SEMA6A: variants seen among roughly 807,000 people sequenced by gnomAD.
SEMA6A encodes the protein semaphorin 6A, also known as semaphorin-6A.
Under a neutral mutation model 96.8 loss-of-function variants are expected in SEMA6A, and 25 were observed. That is an observed-to-expected ratio of 0.26 (90% CI 0.19 to 0.36). The LOEUF (loss-of-function observed/expected upper bound fraction) is 0.36, where lower values mean the gene tolerates loss of function less well. SEMA6A is among the 10% of genes least tolerant of loss of function. The pLI is 1.00. For synonymous variants in SEMA6A, 612 were observed against 518.0 expected, an observed-to-expected ratio of 1.18 and a Z score of -2.46; for missense variants, 1,363 against 1,323.1, an observed-to-expected ratio of 1.03 and a Z score of -0.47.
chr5:116,494,851 T>A (rs1052172113), intron 6 of SEMA6A, among the ~76,000 whole-genome samples: 1 of 152,178 alleles, frequency 6.6e-6, no homozygotes, highest in Non-Finnish European at 1.5e-5. Flanking sequence ...CATCAGCACC[T>A]CTGTTAGCTG....
At chr5:116,501,860 C>A (rs1379006279) in intron 3 of SEMA6A, among the ~76,000 whole-genome samples, 1 of 152,168 alleles carries the variant, frequency 6.6e-6, no homozygotes, top group Non-Finnish European at 1.5e-5. Flanking sequence ...GCACTCCAGC[C>A]TGGGCAACAA....
At chr5:116,476,077 C>T (rs1042769106) in intron 15 of SEMA6A, among the ~76,000 whole-genome samples, 1 of 152,070 alleles carries the variant, frequency 6.6e-6, no homozygotes, top group Admixed American at 6.6e-5. Flanking sequence ...ATAAAGTGTT[C>T]AAAGGTCCAA....
intron 1 of SEMA6A, among the ~76,000 whole-genome samples, chr5:116,570,719 G>A (rs912103017): frequency 6.6e-6 from 1 of 152,178 alleles, no homozygotes; most frequent in African/African-American, 2.4e-5. Context: ...TCTGAAAAGC[G>A]CTGAACCACA....
Position 116,486,846 on chromosome 5 carries a change from A to C in SEMA6A, c.865T>G (p.Ser289Ala), listed in dbSNP as rs767566435. The change falls in exon 10 of 19, where the codon TCT (serine) becomes GCT (alanine). Residue 289 changes from serine to alanine, a missense_variant. By Grantham distance (99) the Ser-to-Ala change is moderately conservative (BLOSUM62 1). Coordinates refer to ENST00000343348, the MANE Select transcript of SEMA6A (RefSeq NM_020796.5). ...ARLNCSVPGD[S>A]HFYFNILQAV... is the part of the protein sequence containing the mutation. ...TGGAGAATGTTGAAATAAAAATGAGAGTCTCCAGGAACTGAGCAGTTCAAG... is the reference window on the plus strand; with the variant it reads ...TGGAGAATGTTGAAATAAAAATGAGCGTCTCCAGGAACTGAGCAGTTCAAG... 5.0e-6 allele frequency: 8 copies of C among 1,613,682 alleles called. No individual in the cohort carries two copies. In the African/African-American group the frequency reaches 1.1e-4, roughly 22 times the overall value.
chr5:116,473,935 A>G (rs1246525183), intron 16 of SEMA6A, among the ~76,000 whole-genome samples: 1 of 152,188 alleles, frequency 6.6e-6, no homozygotes, highest in African/African-American at 2.4e-5. Flanking sequence ...GGCACACTAC[A>G]AAGCACGAAG....
Position 116,467,701 on chromosome 5 carries a change from C to A in SEMA6A, c.1776G>T (p.Thr592=). 4 of 1,613,770 alleles carry A rather than the reference C, an allele frequency of 2.5e-6. No individual in the cohort carries two copies. The highest frequency in any genetic ancestry group is 3.4e-6 in the Non-Finnish European group (4 of 1,179,836). ...CCCTAGACTCATACCCCTCTTGAGC[C>A]GTCGAATCTGATGTGGTTGTGCTGG... ...LLPSTTTSDS[T]AQEGYESRGG... The change falls in exon 18 of 19, where the codon ACG becomes ACT. Residue 592 remains threonine, a synonymous_variant. Coordinates refer to ENST00000343348, the MANE Select transcript of SEMA6A (RefSeq NM_020796.5).
chr5:116,505,842 A>G (rs951150153), intron 1 of SEMA6A, among the ~76,000 whole-genome samples: 1 of 150,676 alleles, frequency 6.6e-6, no homozygotes, highest in East Asian at 2.0e-4. Flanking sequence ...AATCTTGGAA[A>G]TAAAAACAAT....
chr5:116,499,863 C>T (rs1429098610), intron 3 of SEMA6A, among the ~76,000 whole-genome samples: 2 of 152,158 alleles, frequency 1.3e-5, no homozygotes, highest in Non-Finnish European at 2.9e-5. Context: ...TACCTTGCTC[C>T]TAACACTCAT....
rs762822613 is a variant in SEMA6A, at chr5:116,467,779, ATCACCAGAGAGACCCACAT to A, written c.1730-51_1730-33del. 6 of 1,610,140 alleles carry A rather than the reference ATCACCAGAGAGACCCACAT, an allele frequency of 3.7e-6. No individual in the cohort carries two copies. The South Asian group carries it at 5.5e-5, about 15-fold the overall frequency. On this transcript the variant is annotated intron_variant, in intron 17 of 18. Transcript: ENST00000343348. ...TCATCACAAATACAGTTAGGAAAAC[ATCACCAGAGAGACCCACAT>A]TCCCTTTGCGCAGAGGCCTGGAGGT...
At chr5:116,485,438 T>C (rs1032231867) in intron 10 of SEMA6A, among the ~76,000 whole-genome samples, 4 of 152,224 alleles carry the variant, frequency 2.6e-5, no homozygotes, top group Non-Finnish European at 5.9e-5. Flanking sequence ...TTTTTAAATA[T>C]CGTTTTTATC....
At chr5:116,550,829 A>G (rs1760373778) in intron 1 of SEMA6A, among the ~76,000 whole-genome samples, 1 of 152,186 alleles carries the variant, frequency 6.6e-6, no homozygotes, top group Non-Finnish European at 1.5e-5. Context: ...ATATTGACTG[A>G]TCATCACAAT....
chr5:116,549,162 C>T (rs561003719), intron 1 of SEMA6A, among the ~76,000 whole-genome samples: 17 of 152,274 alleles, frequency 1.1e-4, no homozygotes, highest in Non-Finnish European at 2.2e-4. Flanking sequence ...CAGGGACCTA[C>T]TAAAAGCATA....
In SEMA6A at chr5:116,446,504, G is replaced by T; in HGVS notation, c.*109C>A. The T allele has an allele frequency of 1.1e-6, 1 of 951,504 alleles. No individual in the cohort carries two copies. Among genetic ancestry groups the T allele is most frequent in the Non-Finnish European group, 1.5e-6 (1 of 664,358 alleles). 58.9% of individuals were successfully genotyped at this position (951,504 alleles called of 1,614,324 possible). ...AGGACCCAGCGTCCTCGGCTCTGCC[G>T]CAGGCCTTCTTGGTCTGGTGGGTAC... On this transcript the variant is annotated 3_prime_UTR_variant, in exon 19 of 19. Transcript: ENST00000343348.
intron 12 of SEMA6A, 80 bp from the exon 13 acceptor site, chr5:116,478,798 G>T: frequency 2.2e-6 from 3 of 1,390,160 alleles, no homozygotes; most frequent in Admixed American, 2.3e-5. Context: ...AAACAGCTGC[G>T]ACATAGCCTT....
intron 11 of SEMA6A, among the ~76,000 whole-genome samples, chr5:116,480,991 C>T (rs1171832555): frequency 6.6e-6 from 1 of 152,152 alleles, no homozygotes; most frequent in Non-Finnish European, 1.5e-5. Context: ...TGAAACCCAT[C>T]TTGTCCAGAC....
At chr5:116,466,603 T>G (rs1755774079) in intron 18 of SEMA6A, among the ~76,000 whole-genome samples, 1 of 152,072 alleles carries the variant, frequency 6.6e-6, no homozygotes, top group African/African-American at 2.4e-5. Flanking sequence ...GAAAGCATTG[T>G]CTAAAAGTGA....
chr5:116,526,246 C>G (rs1019190156), intron 1 of SEMA6A, among the ~76,000 whole-genome samples: 3 of 152,098 alleles, frequency 2.0e-5, no homozygotes, highest in Non-Finnish European at 4.4e-5. Context: ...CTATCCTTTC[C>G]CTTTTCTGCC....
chr5:116,447,333 C>T lies in SEMA6A; in HGVS notation c.2373G>A (p.Met791Ile), dbSNP rs768282834. 2 of 1,613,872 alleles carry T rather than the reference C, an allele frequency of 1.2e-6. No individual in the cohort carries two copies. Among genetic ancestry groups the T allele is most frequent in the African/African-American group, 1.3e-5 (1 of 75,080 alleles). ...QNLINACTKD[M>I]PPMGSPVIPT... ...GAATCACAGGGGAGCCCATGGGGGGCATGTCCTTTGTGCAGGCATTGATGA... is the reference window on the plus strand; with the variant it reads ...GAATCACAGGGGAGCCCATGGGGGGTATGTCCTTTGTGCAGGCATTGATGA... Residue 791 changes from methionine (M) to isoleucine (I), a missense_variant, in exon 19 of 19, where the codon ATG (methionine) becomes ATA (isoleucine). By Grantham distance (10) the Met-to-Ile change is conservative. Coordinates refer to ENST00000343348, the MANE Select transcript of SEMA6A (RefSeq NM_020796.5).
rs377551210 is a variant in SEMA6A, at chr5:116,522,555, G to A, written c.-38-17573C>T. ...TACACAGCACTATAAACCCGCCTGCGTGCCATATGAATGGCTAATTTATTA... is the reference window on the plus strand; with the variant it reads ...TACACAGCACTATAAACCCGCCTGCATGCCATATGAATGGCTAATTTATTA... On this transcript the variant is annotated intron_variant, in intron 1 of 18. Transcript: ENST00000343348. 2.9e-4 allele frequency among the ~76,000 whole-genome samples: 44 copies of A among 152,264 alleles called. 1 individual carries two copies. In the East Asian group the frequency reaches 4.6e-3, roughly 16 times the overall value.
Sources: allele counts gnomAD v4.1 joint callset (sites outside exome capture counted in the v4.1 genomes callset), GRCh38; gene constraint gnomAD v4.1.1; transcripts MANE v1.5; gene names NCBI Gene and HGNC (gene_info 2026-07-23, HGNC 2026-07-21).